LIMK2: variants seen among roughly 807,000 people sequenced by gnomAD.
LIMK2 encodes LIM domain kinase 2.
LIMK2 carries 35 observed loss-of-function variants against 75.7 expected under a neutral mutation model. The ratio of observed to expected loss-of-function variants is 0.46; its 90% confidence interval spans 0.35 to 0.61. LIMK2 has a LOEUF of 0.61. Ranked by LOEUF, LIMK2 falls within the 20% of genes least tolerant of loss-of-function variation. The pLI is 0.00. For missense variants in LIMK2, 623 were observed against 831.0 expected (o/e 0.75, Z 3.08); for synonymous variants, 301 against 319.2 (o/e 0.94, Z 0.61).
chr22:31,267,454 C>T (rs184550855), intron 9 of LIMK2, among the ~76,000 whole-genome samples: 16 of 152,298 alleles, frequency 1.1e-4, no homozygotes, highest in African/African-American at 2.9e-4. Flanking sequence ...TGGGCATTTA[C>T]AGTTTTCACT....
rs1023431053 is a variant in LIMK2, at chr22:31,223,316, G to A, written c.17-2404G>A. Among the ~76,000 whole-genome samples, 5 of 152,258 alleles carry A rather than the reference G, an allele frequency of 3.3e-5. No homozygotes were observed. In the South Asian group the frequency reaches 8.3e-4, roughly 25 times the overall value. On this transcript the variant is annotated intron_variant, in intron 1 of 15. Transcript: ENST00000331728. ...AAGCAGGGCAAGCTCTGGAGGGTAT[G>A]GCAATAACAAGTTATCTTGAATATC...
intron 15 of LIMK2, chr22:31,277,416 C>CAAA: frequency 3.0e-6 from 3 of 1,005,824 alleles, no homozygotes; most frequent in Non-Finnish European, 3.6e-6. Flanking sequence ...TGGTGCAGCT[C>CAAA]AAAAAAAAAA....
At chr22:31,248,263 T>A (rs991502494) in intron 2 of LIMK2, 3 of 1,020,536 alleles carry the variant, frequency 2.9e-6, no homozygotes, top group Non-Finnish European at 3.8e-6. Context: ...GTCTGTTTCC[T>A]AACAGCTGCT....
chr22:31,265,345 G>A (rs559588227), intron 7 of LIMK2, among the ~76,000 whole-genome samples: 9 of 152,122 alleles, frequency 5.9e-5, no homozygotes, highest in South Asian at 2.1e-4. Context: ...CAGCCTGGGC[G>A]ACAGAGCGAG....
At chr22:31,242,930 A>G (rs2048635139) in intron 2 of LIMK2, among the ~76,000 whole-genome samples, 1 of 152,016 alleles carries the variant, frequency 6.6e-6, no homozygotes, top group Admixed American at 6.6e-5. Context: ...CATTTTATTT[A>G]TTTATTTATT....
chr22:31,250,734 A>G (rs1836079380), intron 2 of LIMK2, among the ~76,000 whole-genome samples: 1 of 152,146 alleles, frequency 6.6e-6, no homozygotes, highest in Non-Finnish European at 1.5e-5. Flanking sequence ...TGTTTCTGCC[A>G]TTAGCCCCTC....
intron 2 of LIMK2, among the ~76,000 whole-genome samples, chr22:31,246,179 G>GCGCACACACACA (rs1555886265): frequency 3.9e-4 from 27 of 69,772 alleles, no homozygotes; most frequent in Non-Finnish European, 1.5e-4. Context: ...ACACACGCAC[G>GCGCACACACACA]CACGCACACA....
chr22:31,234,396 C>G (rs977350995), intron 2 of LIMK2, among the ~76,000 whole-genome samples: 1 of 151,334 alleles, frequency 6.6e-6, no homozygotes, highest in East Asian at 2.0e-4. Flanking sequence ...TGTATACTTC[C>G]ACAACTTCCC....
chr22:31,228,658 C>T (rs2048499383), intron 2 of LIMK2, among the ~76,000 whole-genome samples: 1 of 152,230 alleles, frequency 6.6e-6, no homozygotes, highest in South Asian at 2.1e-4. Flanking sequence ...TAGGGCCGGA[C>T]GTGGTGGCTT....
intron 2 of LIMK2, among the ~76,000 whole-genome samples, chr22:31,235,222 C>G (rs1439658641): frequency 1.3e-5 from 2 of 152,112 alleles, no homozygotes; most frequent in African/African-American, 4.8e-5. Flanking sequence ...TAGAGGTGGC[C>G]AAGAGATATG....
intron 15 of LIMK2, among the ~76,000 whole-genome samples, chr22:31,275,917 AG>A (rs1209680552): frequency 1.3e-5 from 2 of 152,142 alleles, no homozygotes; most frequent in Admixed American, 1.3e-4. Context: ...AAGTTACCCT[AG>A]GTCTTTTCAA....
chr22:31,251,623 T>G (rs2048726104), intron 2 of LIMK2, among the ~76,000 whole-genome samples: 1 of 152,242 alleles, frequency 6.6e-6, no homozygotes, highest in African/African-American at 2.4e-5. Context: ...CAACACTTAT[T>G]TCTTGCTGTT....
chr22:31,249,918 T>C (rs903451049), intron 2 of LIMK2, among the ~76,000 whole-genome samples: 1 of 152,158 alleles, frequency 6.6e-6, no homozygotes, highest in Non-Finnish European at 1.5e-5. Flanking sequence ...CTCAACAGCC[T>C]AAAGAGATTA....
intron 11 of LIMK2, among the ~76,000 whole-genome samples, chr22:31,269,551 T>C (rs2048933947): frequency 6.6e-6 from 1 of 151,924 alleles, no homozygotes; most frequent in Admixed American, 6.6e-5. Context: ...AGTGGATCAC[T>C]TGAGGTCAGG....
chr22:31,218,100 C>T (rs970143704), intron 1 of LIMK2, among the ~76,000 whole-genome samples: 2 of 152,202 alleles, frequency 1.3e-5, no homozygotes, highest in Non-Finnish European at 2.9e-5. Context: ...AAGTTAGTCA[C>T]AAATCGGTCC....
intron 1 of LIMK2, among the ~76,000 whole-genome samples, chr22:31,213,879 A>G (rs2123755923): frequency 6.7e-6 from 1 of 149,968 alleles, no homozygotes; most frequent in South Asian, 2.1e-4. Context: ...GCAGTGGCAC[A>G]ATCTTGGCTC....
At chr22:31,236,149 C>A (rs1017692352) in intron 2 of LIMK2, among the ~76,000 whole-genome samples, 2 of 151,848 alleles carry the variant, frequency 1.3e-5, no homozygotes, top group African/African-American at 4.8e-5. Flanking sequence ...CAAAAATTAG[C>A]CAGGCATGAT....
intron 7 of LIMK2, among the ~76,000 whole-genome samples, chr22:31,263,854 G>A (rs2048865520): frequency 6.6e-6 from 1 of 152,104 alleles, no homozygotes; most frequent in Admixed American, 6.5e-5. Context: ...AACTGGGCAT[G>A]GTGGCACATG....
chr22:31,212,501 G>T, intron 1 of LIMK2, 77 bp downstream of exon 1: 1 of 1,292,780 alleles, frequency 7.7e-7, no homozygotes, highest in Non-Finnish European at 9.9e-7. Context: ...GAAACCGGCT[G>T]TCTCTCGGGG....
Sources: allele counts gnomAD v4.1 joint callset (sites outside exome capture counted in the v4.1 genomes callset), GRCh38; gene constraint gnomAD v4.1.1; transcripts MANE v1.5; gene names NCBI Gene and HGNC (gene_info 2026-07-23, HGNC 2026-07-21).